Variants in CCDC80 observed in about 807,000 individuals in gnomAD.
The protein encoded by CCDC80 is coiled-coil domain containing 80, also known as coiled-coil domain-containing protein 80.
In CCDC80, 49 loss-of-function variants were observed where a neutral mutation model predicts 78.7. That is an observed-to-expected ratio of 0.62 (90% confidence interval 0.50 to 0.79). CCDC80 has a LOEUF of 0.79. Ranked by LOEUF, CCDC80 falls within the 30% of genes least tolerant of loss-of-function variation. The pLI is 0.00. For missense variants in CCDC80, 1,205 were observed against 1,198.6 expected, an observed-to-expected ratio of 1.01 and a Z score of -0.08; for synonymous variants, 488 against 447.0, an observed-to-expected ratio of 1.09 and a Z score of -1.16.
intron 2 of CCDC80, among the ~76,000 whole-genome samples, chr3:112,637,018 G>A (rs1936221117): frequency 6.6e-6 from 1 of 152,168 alleles, no homozygotes; most frequent in Non-Finnish European, 1.5e-5. Flanking sequence ...GCACATCACT[G>A]ATAAAAACTG....
In CCDC80 at chr3:112,636,314, A is replaced by G. The variant is rs571118250; in HGVS notation, c.1878+1714T>C. ...CTAATGGGAACATTCCCATTTAAAT[A>G]TATGTACTCTGAGAATATCCAAGCG... is the stretch of plus-strand genomic sequence containing the variant. On this transcript the variant is annotated intron_variant, in intron 2 of 7. Coordinates refer to ENST00000206423, the MANE Select transcript of CCDC80 (RefSeq NM_199511.3). Among the ~76,000 whole-genome samples the G allele has an allele frequency of 2.6e-5, 4 of 151,406 alleles. 1 individual carries two copies. In the Admixed American group the frequency reaches 2.6e-4, roughly 10 times the overall value.
intron 5 of CCDC80, among the ~76,000 whole-genome samples, chr3:112,616,449 G>GAAAAAAAAAAAAAAAA (rs59366104): frequency 5.2e-5 from 7 of 133,646 alleles, no homozygotes; most frequent in Admixed American, 7.5e-5. Context: ...AAAAAGAAAA[G>GAAAAAAAAAAAAAAAA]AAAAAAAAAA....
intron 3 of CCDC80, among the ~76,000 whole-genome samples, chr3:112,622,967 C>T (rs529259516): frequency 7.2e-5 from 11 of 151,782 alleles, no homozygotes; most frequent in African/African-American, 2.4e-4. Flanking sequence ...TGAGCTACCA[C>T]GCCCAGCCAG....
chr3:112,614,863 A>C (rs1003578971), intron 5 of CCDC80, among the ~76,000 whole-genome samples: 6 of 152,220 alleles, frequency 3.9e-5, no homozygotes, highest in African/African-American at 1.4e-4. Context: ...CAGTGATGAG[A>C]GAAAGTTACT....
intron 2 of CCDC80, among the ~76,000 whole-genome samples, chr3:112,636,924 C>A (rs899157133): frequency 6.6e-6 from 1 of 152,030 alleles, no homozygotes; most frequent in South Asian, 2.1e-4. Flanking sequence ...GAGTAAAAAG[C>A]TAGTCTTAAG....
rs1936270043 is a variant in CCDC80, at chr3:112,638,815, G to A, written c.1091C>T (p.Ser364Phe). 3 of 1,613,746 alleles carry A rather than the reference G, an allele frequency of 1.9e-6. No individual in the cohort carries two copies. The highest frequency in any genetic ancestry group is 1.1e-5 in the South Asian group (1 of 91,066). ...PPAPATTVTR[S>F]TSRAVTVAAR... ...AGCAACTGTTACCGCCCGGGACGTG[G>A]ACCGAGTCACTGTTGTGGCTGGGGC... is the stretch of plus-strand genomic sequence containing the variant. Residue 364 changes from serine to phenylalanine, a missense_variant, in exon 2 of 8, where the codon TCC becomes TTC. Coordinates refer to ENST00000206423, the MANE Select transcript of CCDC80 (RefSeq NM_199511.3).
rs1936328196 is a variant in CCDC80, at chr3:112,641,001, C to T, written c.-686G>A. 3 of 152,136 alleles carry T rather than the reference C, an allele frequency of 2.0e-5. No individual in the cohort carries two copies. Among genetic ancestry groups the T allele is most frequent in the Non-Finnish European group, 4.4e-5 (3 of 68,040 alleles). 9.4% of individuals were successfully genotyped at this position (152,136 alleles called of 1,614,324 possible). A position where few individuals can be genotyped will look rare whatever the true frequency, so the allele number is the denominator to read the frequency against. ...AGTCCCAGAAATGTTAGGACTACCT[C>T]AGTTTTGCTCCAAACCAAACTCAAA... On this transcript the variant is annotated 5_prime_UTR_variant, in exon 1 of 8. Coordinates refer to ENST00000206423, the MANE Select transcript of CCDC80 (RefSeq NM_199511.3).
chr3:112,639,981 T>C, intron 1 of CCDC80, 65 bp from the exon 2 acceptor site: 2 of 1,515,198 alleles, frequency 1.3e-6, no homozygotes, highest in Non-Finnish European at 1.8e-6. Flanking sequence ...ATTATTTATC[T>C]GGAAACAGAG....
chr3:112,633,312 C>G (rs766935557), intron 2 of CCDC80, among the ~76,000 whole-genome samples: 2 of 152,128 alleles, frequency 1.3e-5, no homozygotes, highest in Non-Finnish European at 2.9e-5. Context: ...CAGAAACCTG[C>G]CCCCGCCCTT....
intron 2 of CCDC80, among the ~76,000 whole-genome samples, chr3:112,633,887 AC>A (rs1315775598): frequency 6.6e-6 from 1 of 152,208 alleles, no homozygotes; most frequent in Non-Finnish European, 1.5e-5. Flanking sequence ...CTCAGTAAAC[AC>A]TATTTTCTGT....
intron 7 of CCDC80, among the ~76,000 whole-genome samples, chr3:112,606,645 G>A (rs565335901): frequency 8.1e-5 from 12 of 148,374 alleles, no homozygotes; most frequent in African/African-American, 2.2e-4. Flanking sequence ...GGCTGGTTTC[G>A]AACTCCTGAC....
At chr3:112,606,433 G>GTTTT (rs1935499397) in intron 7 of CCDC80, among the ~76,000 whole-genome samples, 1 of 146,648 alleles carries the variant, frequency 6.8e-6, no homozygotes, top group Non-Finnish European at 1.5e-5. Flanking sequence ...GTTTTGTTTT[G>GTTTT]TTTTGTTTTT....
rs777697705 is a variant in CCDC80, at chr3:112,638,583, G to C, written c.1323C>G (p.Ser441Arg). 13 of 1,613,956 alleles carry C rather than the reference G, an allele frequency of 8.1e-6. No individual in the cohort carries two copies. The Admixed American group carries it at 1.2e-4, about 14-fold the overall frequency. ...TGGTGGTGGGAGGGGCATTTGTGAA[G>C]CTCTCCAAGCTGGTGGCCTTGCTGG... ...RRPSKATSLE[S>R]FTNAPPTTIS... Residue 441 changes from serine to arginine, a missense_variant, in exon 2 of 8, where the codon AGC (serine) becomes AGG (arginine). By Grantham distance (110) the Ser-to-Arg change is moderately radical. Coordinates refer to ENST00000206423, the MANE Select transcript of CCDC80 (RefSeq NM_199511.3).
At chr3:112,635,626 C>T (rs1211807720) in intron 2 of CCDC80, among the ~76,000 whole-genome samples, 2 of 152,182 alleles carry the variant, frequency 1.3e-5, no homozygotes, top group African/African-American at 4.8e-5. Flanking sequence ...ATTAGCTCTG[C>T]AGAAGACACA....
chr3:112,610,186 G>T (rs1467463153), intron 5 of CCDC80, 105 bp from the exon 6 acceptor site: 1 of 663,992 alleles, frequency 1.5e-6, no homozygotes, highest in Non-Finnish European at 2.4e-6. Flanking sequence ...TCTGTGCCCA[G>T]AAAAAAAAAA....
intron 3 of CCDC80, among the ~76,000 whole-genome samples, chr3:112,626,587 A>G (rs1271718067): frequency 6.6e-6 from 1 of 152,106 alleles, no homozygotes; most frequent in Non-Finnish European, 1.5e-5. Context: ...TCACTTTGTC[A>G]CCCAGGTTAG....
At chr3:112,631,967 C>T (rs1936108796) in intron 2 of CCDC80, among the ~76,000 whole-genome samples, 2 of 152,218 alleles carry the variant, frequency 1.3e-5, no homozygotes, top group East Asian at 1.9e-4. Context: ...TATGCCTGCT[C>T]ATACGGACAT....
rs975416405 is a variant in CCDC80, at chr3:112,640,967, C to T, written c.-652G>A. On this transcript the variant is annotated 5_prime_UTR_variant, in exon 1 of 8. Transcript: ENST00000206423. Reference sequence around the variant, plus strand: ...CTTCTTCTTTTTCTTCTTTCTCTTGCCTGGATTCAGTCCCAGAAATGTTAG... The same window carrying T: ...CTTCTTCTTTTTCTTCTTTCTCTTGTCTGGATTCAGTCCCAGAAATGTTAG... The T allele has an allele frequency of 3.3e-5, 5 of 151,998 alleles. No homozygotes were observed. Among genetic ancestry groups the T allele is most frequent in the Non-Finnish European group, 7.4e-5 (5 of 68,026 alleles). The allele number at this position is 151,998 out of a possible 1,614,324, so 9.4% of individuals were successfully genotyped here.
chr3:112,630,833 A>C (rs1033087109), intron 2 of CCDC80, among the ~76,000 whole-genome samples: 2 of 152,194 alleles, frequency 1.3e-5, no homozygotes, highest in African/African-American at 4.8e-5. Context: ...GTTTTGTCAC[A>C]TAGAATATAT....
Sources: gnomAD v4.1 joint callset for allele counts (sites outside exome capture counted in the v4.1 genomes callset) on GRCh38, gnomAD v4.1.1 for gene constraint, MANE v1.5 for transcripts, NCBI Gene and HGNC (gene_info 2026-07-23, HGNC 2026-07-21) for gene names.